Variants in OR14I1 observed in about 807,000 individuals in gnomAD.
OR14I1 encodes the protein olfactory receptor 14I1.
For missense variants in OR14I1, 279 were observed against 181.8 expected (o/e 1.53, Z -3.07); for synonymous variants, 118 against 71.1 (o/e 1.66, Z -3.32).
At chr1:248,695,433 A>T in the OR14I1 span, among the ~76,000 whole-genome samples, 1 of 151,806 alleles carries the variant, frequency 6.6e-6, no homozygotes, top group African/African-American at 2.4e-5. Context: ...CGGGGTTTCA[A>T]CGTGTTAGCC....
At chr1:248,691,823 C>A in the OR14I1 span, 4 of 152,436 alleles carry the variant, frequency 2.6e-5, no homozygotes, top group African/African-American at 9.6e-5. Context: ...CCACCCCGCC[C>A]ACCTCAGGAC....
chr1:248,682,391 G>C, upstream of OR14I1: 1 of 620,146 alleles, frequency 1.6e-6, no homozygotes, highest in South Asian at 2.0e-5. Flanking sequence ...TGTGGTAGGA[G>C]TAATATCCTC....
upstream of OR14I1, among the ~76,000 whole-genome samples, chr1:248,684,883 A>T (rs4472781): frequency 2.0e-5 from 3 of 151,620 alleles, no homozygotes; most frequent in South Asian, 2.1e-4. Flanking sequence ...ATTGAACAGT[A>T]ATTATATCTG....
the OR14I1 span, among the ~76,000 whole-genome samples, chr1:248,692,397 C>T: frequency 6.6e-6 from 1 of 152,260 alleles, no homozygotes; most frequent in Non-Finnish European, 1.5e-5. Context: ...CATCCCCCAA[C>T]GTTGCCACTT....
exon 1 of OR14I1, chr1:248,682,034 A>G (rs769027627): frequency 9.0e-6 from 7 of 780,958 alleles, no homozygotes; most frequent in Non-Finnish European, 1.4e-5. Flanking sequence ...CCAAGATAAG[A>G]GATGGAGCTT....
At chr1:248,682,303 A>G in exon 1 of OR14I1, 1 of 731,410 alleles carries the variant, frequency 1.4e-6, no homozygotes, top group Non-Finnish European at 2.5e-6. Context: ...GAGATTGTCC[A>G]TTTGGCAGGG....
At chr1:248,686,416 C>G (rs932298463), upstream of OR14I1, among the ~76,000 whole-genome samples, 11 of 152,144 alleles carry the variant, frequency 7.2e-5, no homozygotes, top group African/African-American at 2.7e-4. Flanking sequence ...TGCTGAAGAG[C>G]TGCCCTTTAT....
chr1:248,683,563 G>C (rs1661597272), upstream of OR14I1, among the ~76,000 whole-genome samples: 1 of 152,104 alleles, frequency 6.6e-6, no homozygotes, highest in Admixed American at 6.5e-5. Context: ...TTATAAGACA[G>C]GTAGAACCTA....
chr1:248,679,271 C>T (rs185487186), downstream of OR14I1, among the ~76,000 whole-genome samples: 188 of 152,092 alleles, frequency 1.2e-3, 1 homozygote, highest in African/African-American at 4.2e-3. Flanking sequence ...TAAAGTTCAA[C>T]GTAAGCATTA....
At chr1:248,700,664 G>C in the OR14I1 span, among the ~76,000 whole-genome samples, 2 of 152,154 alleles carry the variant, frequency 1.3e-5, no homozygotes, top group Non-Finnish European at 2.9e-5. Flanking sequence ...TTTTAAACAA[G>C]AGGCAAATGC....
the OR14I1 span, among the ~76,000 whole-genome samples, chr1:248,693,067 C>G: frequency 3.3e-5 from 5 of 152,200 alleles, no homozygotes; most frequent in African/African-American, 9.7e-5. Flanking sequence ...CCTGGTTGTT[C>G]ACAGAAGTAA....
the OR14I1 span, among the ~76,000 whole-genome samples, chr1:248,687,802 T>C: frequency 1.3e-5 from 2 of 152,238 alleles, no homozygotes; most frequent in Admixed American, 1.3e-4. Flanking sequence ...CATGGTGTTA[T>C]TTAATTTTGG....
At chr1:248,680,229 T>C (rs957830810), downstream of OR14I1, among the ~76,000 whole-genome samples, 3 of 152,200 alleles carry the variant, frequency 2.0e-5, no homozygotes, top group Non-Finnish European at 4.4e-5. Context: ...AAAAATAATT[T>C]TACAAATTTT....
the OR14I1 span, among the ~76,000 whole-genome samples, chr1:248,690,355 G>T: frequency 1.4e-3 from 212 of 152,034 alleles, 1 homozygote; most frequent in African/African-American, 4.9e-3. Flanking sequence ...GAAGCAAAGA[G>T]AGAAGAATCA....
At chr1:248,682,859 G>C (rs1421979423), upstream of OR14I1, among the ~76,000 whole-genome samples, 2 of 152,184 alleles carry the variant, frequency 1.3e-5, no homozygotes, top group Non-Finnish European at 2.9e-5. Flanking sequence ...AATGAGTATG[G>C]AATATGATTT....
At chr1:248,701,490 C>T in the OR14I1 span, among the ~76,000 whole-genome samples, 1 of 152,142 alleles carries the variant, frequency 6.6e-6, no homozygotes, top group Non-Finnish European at 1.5e-5. Context: ...TTTTGATTGT[C>T]ATCAACATTG....
At chr1:248,694,429 A>G in the OR14I1 span, among the ~76,000 whole-genome samples, 3 of 152,182 alleles carry the variant, frequency 2.0e-5, no homozygotes, top group Admixed American at 6.5e-5. Context: ...TTTAGCAACC[A>G]TAGTTATTCC....
chr1:248,688,166 A>G, the OR14I1 span, among the ~76,000 whole-genome samples: 1 of 152,336 alleles, frequency 6.6e-6, no homozygotes, highest in South Asian at 2.1e-4. Flanking sequence ...TTTATATCTC[A>G]AAAGCACAGA....
At chr1:248,686,163 G>A (rs970657067), upstream of OR14I1, among the ~76,000 whole-genome samples, 1 of 152,078 alleles carries the variant, frequency 6.6e-6, no homozygotes, top group African/African-American at 2.4e-5. Context: ...TTCCAAGTCT[G>A]TCTATTTTAA....
Sources: allele counts gnomAD v4.1 joint callset (sites outside exome capture counted in the v4.1 genomes callset), GRCh38; gene constraint gnomAD v4.1.1; transcripts MANE v1.5; gene names NCBI Gene and HGNC (gene_info 2026-07-23, HGNC 2026-07-21).